PCDH19: variants seen among roughly 807,000 people sequenced by gnomAD.
PCDH19 encodes protocadherin-19.
A neutral mutation model predicts 46.2 loss-of-function variants in PCDH19; 6 were observed. That is an observed-to-expected ratio of 0.13 (90% CI 0.07 to 0.26). PCDH19 has a LOEUF of 0.26. Among genes scored for constraint, PCDH19 ranks in the 10% least tolerant of loss-of-function variants. The pLI, the probability that PCDH19 is intolerant of heterozygous loss-of-function variation, is 1.00. For missense variants in PCDH19, 740 were observed against 972.3 expected, an observed-to-expected ratio of 0.76 and a Z score of 3.18; for synonymous variants, 481 against 415.7, an observed-to-expected ratio of 1.16 and a Z score of -1.91.
chrX:100,353,381 T>C (rs1009746036), intron 3 of PCDH19, among the ~76,000 whole-genome samples: 2 of 111,926 alleles, frequency 1.8e-5, no homozygotes, highest in Admixed American at 9.5e-5. Context: ...ATTTTCCATA[T>C]CTTTGCAAAT....
At chrX:100,361,112 A>G (rs1234641409) in intron 3 of PCDH19, among the ~76,000 whole-genome samples, 1 of 112,178 alleles carries the variant, frequency 8.9e-6, no homozygotes, top group Non-Finnish European at 1.9e-5. Flanking sequence ...GGCTAATATC[A>G]TCAGCATCTT....
chrX:100,386,111 C>A (rs1402650856), intron 3 of PCDH19, among the ~76,000 whole-genome samples: 8 of 111,460 alleles, frequency 7.2e-5, no homozygotes, highest in Non-Finnish European at 1.9e-5. Flanking sequence ...TTTTGTGTAT[C>A]TATATCTCCC....
chrX:100,295,035 GCTGTTAC>G lies in PCDH19; in HGVS notation c.*1235_*1241del, dbSNP rs1212841919. 3.6e-5 allele frequency: 4 copies of G among 112,383 alleles called. 1 individual carries two copies. Among genetic ancestry groups the G allele is most frequent in the African/African-American group, 1.3e-4 (4 of 30,882 alleles). 9.3% of individuals were successfully genotyped at this position (112,383 alleles called of 1,213,427 possible). ...AAGGCACAGTAATTGGATTAGCGAT[GCTGTTAC>G]CTGTTACCTGTCTTTTCCAAAATAT... On this transcript the variant is annotated 3_prime_UTR_variant, in exon 6 of 6. Transcript: ENST00000373034.
Position 100,409,740 on chromosome X carries a change from C to CCGA in PCDH19, c.-1144_-1143insTCG. ...GCCGCCGCCGCCGCCGCCGCCGCCG[C>CCGA]GGGAGGAAGCCCTCCTAGCTCAGTT... On this transcript the variant is annotated 5_prime_UTR_variant, in exon 1 of 6. Coordinates refer to ENST00000373034, the MANE Select transcript of PCDH19 (RefSeq NM_001184880.2). 1 of 272,402 alleles carries CCGA rather than the reference C, an allele frequency of 3.7e-6. No individual in the cohort carries two copies. The highest frequency in any genetic ancestry group is 6.5e-6 in the Non-Finnish European group (1 of 153,617). The allele number at this position is 272,402 out of a possible 1,213,427, so 22.4% of individuals were successfully genotyped here.
At chrX:100,379,347 A>ACACCC (rs66715683) in intron 3 of PCDH19, among the ~76,000 whole-genome samples, 3 of 65,276 alleles carry the variant, frequency 4.6e-5, no homozygotes, top group Non-Finnish European at 8.0e-5. Context: ...ACACACACAC[A>ACACCC]CATTTCCTCC....
In PCDH19 at chrX:100,296,063, T is replaced by C. The variant is rs941133498; in HGVS notation, c.*214A>G. ...CCAACATCAAGGCCCCATGAACAAC[T>C]CAAGCCAAAGCTAATTTGCTCCAAC... On this transcript the variant is annotated 3_prime_UTR_variant, in exon 6 of 6. Coordinates refer to ENST00000373034, the MANE Select transcript of PCDH19 (RefSeq NM_001184880.2). The C allele has an allele frequency of 2.3e-6, 1 of 443,115 alleles. No homozygotes were observed. The highest frequency in any genetic ancestry group is 2.5e-5 in the African/African-American group (1 of 40,474). 36.5% of individuals were successfully genotyped at this position (443,115 alleles called of 1,213,427 possible). A position where few individuals can be genotyped will look rare whatever the true frequency, so the allele number is the denominator to read the frequency against.
At chrX:100,386,207 CG>C (rs1890220027) in intron 3 of PCDH19, among the ~76,000 whole-genome samples, 1 of 111,004 alleles carries the variant, frequency 9.0e-6, no homozygotes, top group Non-Finnish European at 1.9e-5. Context: ...TGGGACCTAG[CG>C]AACAGCAGCC....
chrX:100,348,774 A>G (rs972095048), intron 4 of PCDH19, among the ~76,000 whole-genome samples: 7 of 111,541 alleles, frequency 6.3e-5, no homozygotes, highest in African/African-American at 2.3e-4. Flanking sequence ...CCAAAGATAA[A>G]TGTTCAAACA....
intron 3 of PCDH19, among the ~76,000 whole-genome samples, chrX:100,356,773 T>TCTCTCA (rs1478418317): frequency 2.4e-4 from 23 of 97,499 alleles, no homozygotes; most frequent in South Asian, 5.3e-4. Context: ...TCTCTCTCTC[T>TCTCTCA]CACACACACA....
intron 3 of PCDH19, among the ~76,000 whole-genome samples, chrX:100,367,657 A>G (rs993382258): frequency 1.7e-4 from 19 of 111,718 alleles, no homozygotes; most frequent in Non-Finnish European, 2.1e-4. Context: ...AATCCCATTC[A>G]TAAGGGTGGA....
In PCDH19 at chrX:100,407,268, T is replaced by C. The variant is rs201671718; in HGVS notation, c.1330A>G (p.Thr444Ala). 1.5e-4 allele frequency: 184 copies of C among 1,210,289 alleles called. No homozygotes were observed. Among genetic ancestry groups the C allele is most frequent in the Non-Finnish European group, 2.0e-4 (180 of 895,268 alleles). The change falls in exon 1 of 6, where the codon ACT (threonine) becomes GCT (alanine). Residue 444 changes from threonine to alanine, a missense_variant. Physicochemically the swap from Thr to Ala is moderately conservative, Grantham distance 58. This residue lies in a region of PCDH19 where 186 missense variants were observed against 319.9 expected (regional missense o/e 0.58). Transcript: ENST00000373034. ...QSAKSFTVLI[T>A]DENDNHPHFS... ...TGCGGGTGGTTGTCATTTTCGTCAG[T>C]GATGAGCACGGTAAAGGACTTGGCA...
intron 3 of PCDH19, among the ~76,000 whole-genome samples, chrX:100,350,934 A>C (rs1045460632): frequency 3.6e-5 from 4 of 112,375 alleles, no homozygotes; most frequent in African/African-American, 1.3e-4. Flanking sequence ...ATTCCCTAGA[A>C]TATGACTGGC....
chrX:100,381,363 GAC>G (rs759743265), intron 3 of PCDH19, among the ~76,000 whole-genome samples: 3 of 112,167 alleles, frequency 2.7e-5, no homozygotes, highest in Non-Finnish European at 3.8e-5. Flanking sequence ...GATAATGAAA[GAC>G]AGTATAATAT....
rs1035711035 is a variant in PCDH19 at position 100,293,223 on chromosome X, G to A, written c.*3054C>T. 8.9e-6 allele frequency: 1 copy of A among 111,832 alleles called. No homozygotes were observed. Among genetic ancestry groups the A allele is most frequent in the Admixed American group, 9.5e-5 (1 of 10,526 alleles). The allele number at this position is 111,832 out of a possible 1,213,427, so 9.2% of individuals were successfully genotyped here. Reference sequence around the variant, plus strand: ...ATTAGAGATCAGTGGATCACTAAGCGAACAATTTTGTCTAAATGAACACCT... The same window carrying A: ...ATTAGAGATCAGTGGATCACTAAGCAAACAATTTTGTCTAAATGAACACCT... On this transcript the variant is annotated 3_prime_UTR_variant, in exon 6 of 6. Coordinates refer to ENST00000373034, the MANE Select transcript of PCDH19 (RefSeq NM_001184880.2).
At chrX:100,403,466 CT>C in intron 2 of PCDH19, 57 bp downstream of exon 2, 1 of 1,167,414 alleles carries the variant, frequency 8.6e-7, no homozygotes, top group South Asian at 1.8e-5. Context: ...CGACCCCCTC[CT>C]CTCCTAGAAA....
At chrX:100,322,933 T>C (rs888867409) in intron 5 of PCDH19, among the ~76,000 whole-genome samples, 4 of 101,934 alleles carry the variant, frequency 3.9e-5, no homozygotes, top group African/African-American at 1.5e-4. Flanking sequence ...TGTTGTGGTA[T>C]AGAAGAACTA....
intron 3 of PCDH19, among the ~76,000 whole-genome samples, chrX:100,388,050 T>C (rs1927762651): frequency 9.0e-6 from 1 of 111,335 alleles, no homozygotes. Context: ...AAATAACACA[T>C]GTTCAATGCA....
chrX:100,372,573 T>G (rs761879911), intron 3 of PCDH19, among the ~76,000 whole-genome samples: 2 of 112,792 alleles, frequency 1.8e-5, no homozygotes, highest in Non-Finnish European at 3.7e-5. Context: ...CCTCCCAAAC[T>G]TGAATTTTAT....
rs747998444 is a variant in PCDH19 at position 100,392,157 on chromosome X, A to G, written c.2616+10367T>C. 1.3e-3 allele frequency among the ~76,000 whole-genome samples: 144 copies of G among 112,322 alleles called. 1 individual carries two copies. The highest frequency in any genetic ancestry group is 4.5e-3 in the African/African-American group (140 of 30,976). The stretch of plus-strand genomic sequence containing the variant: ...CCCAGTGCCATGGTATTTATAGCTT[A>G]CCAGTTTTATAAGGTTTTGCTCCAT... On this transcript the variant is annotated intron_variant, in intron 3 of 5. Transcript: ENST00000373034.
Sources: allele counts gnomAD v4.1 joint callset (sites outside exome capture counted in the v4.1 genomes callset), GRCh38; gene constraint gnomAD v4.1.1; regional missense constraint gnomAD v4.1.1; transcripts MANE v1.5; gene names NCBI Gene and HGNC (gene_info 2026-07-23, HGNC 2026-07-21).